DENND4C: variants seen among roughly 807,000 people sequenced by gnomAD.
The protein encoded by DENND4C is DENN domain-containing protein 4C.
Under a neutral mutation model 203.0 loss-of-function variants are expected in DENND4C, and 108 were observed. The ratio of observed to expected loss-of-function variants is 0.53; its 90% CI spans 0.46 to 0.62. DENND4C has a LOEUF of 0.62. Among genes scored for constraint, DENND4C ranks in the 20% least tolerant of loss-of-function variants. The probability of loss-of-function intolerance (pLI) is 0.00; values close to 1 mark genes in which losing one functional copy is unlikely to be tolerated. For synonymous variants in DENND4C, 871 were observed against 792.4 expected, an observed-to-expected ratio of 1.10 and a Z score of -1.67; for missense variants, 2,481 against 2,301.2, an observed-to-expected ratio of 1.08 and a Z score of -1.60.
chr9:19,261,504 C>G lies in DENND4C; in HGVS notation c.-17-14654C>G, dbSNP rs1434657663. ...CTTTCAATCCATGGACATGGAATATCTTTTTCCTTTTTTTTGGAGATAGGG... is the reference window on the plus strand; with the variant it reads ...CTTTCAATCCATGGACATGGAATATGTTTTTCCTTTTTTTTGGAGATAGGG... On this transcript the variant is annotated intron_variant, in intron 1 of 32. Transcript: ENST00000434457. 2.1e-5 allele frequency among the ~76,000 whole-genome samples: 3 copies of G among 142,980 alleles called. No individual in the cohort carries two copies. The East Asian group carries it at 6.3e-4, about 30-fold the overall frequency. 93.8% of individuals were successfully genotyped at this position (142,980 alleles called of 152,430 possible).
At chr9:19,341,243 G>C (rs531965388) in intron 21 of DENND4C, 129 bp downstream of exon 21, 128 of 626,092 alleles carry the variant, frequency 2.0e-4, no homozygotes, top group South Asian at 1.3e-3. Context: ...AAGATGCTGT[G>C]TACTGTTACA....
chr9:19,308,215 C>T lies in DENND4C; in HGVS notation c.1487+2688C>T, dbSNP rs139919974. ...TTCCTCTGAAGCATATACCTGGAAG[C>T]GCTAATGTTGCTTGGTAGGGAATGA... On this transcript the variant is annotated intron_variant, in intron 10 of 32. Transcript: ENST00000434457. Among the ~76,000 whole-genome samples, 586 of 152,216 alleles carry T rather than the reference C, an allele frequency of 3.8e-3. 1 individual carries two copies. The highest frequency in any genetic ancestry group is 0.013 in the African/African-American group (537 of 41,538).
intron 1 of DENND4C, among the ~76,000 whole-genome samples, chr9:19,265,517 A>G (rs917171024): frequency 3.9e-5 from 6 of 151,910 alleles, no homozygotes; most frequent in Non-Finnish European, 8.8e-5. Flanking sequence ...GGTTTGTTAC[A>G]TATGTATACA....
At position 19,346,997 on chromosome 9, in the gene DENND4C, G is replaced by T. The variant is rs551910290; in HGVS notation, c.4228G>T (p.Val1410Phe). The change falls in exon 23 of 33, where the codon GTC becomes TTC. Residue 1410 changes from valine to phenylalanine, a missense_variant. Val to Phe is a conservative substitution (Grantham distance 50, BLOSUM62 -1). Transcript: ENST00000434457. ...DNILSGPKID[V>F]LKSGMKQAAT... is the part of the protein sequence containing the mutation. ...TATACTCTCAGGGCCCAAGATAGATGTCCTGAAATCTGGTATGAAACAAGC... is the reference window on the plus strand; with the variant it reads ...TATACTCTCAGGGCCCAAGATAGATTTCCTGAAATCTGGTATGAAACAAGC... 3.7e-6 allele frequency: 6 copies of T among 1,614,156 alleles called. No homozygotes were observed. In the African/African-American group the frequency reaches 8.0e-5, roughly 22 times the overall value.
At chr9:19,355,152 C>T (rs755124610) in intron 26 of DENND4C, among the ~76,000 whole-genome samples, 3 of 152,024 alleles carry the variant, frequency 2.0e-5, no homozygotes, top group Admixed American at 1.3e-4. Flanking sequence ...CCTTGTGATC[C>T]GCCCACCTTG....
In DENND4C at chr9:19,296,095, C is replaced by G. The variant is rs781119533; in HGVS notation, c.889C>G (p.Pro297Ala). The G allele has an allele frequency of 3.1e-6, 5 of 1,613,994 alleles. No homozygotes were observed. Among genetic ancestry groups the G allele is most frequent in the Non-Finnish European group, 4.2e-6 (5 of 1,179,976 alleles). The change falls in exon 6 of 33, where the codon CCT (proline) becomes GCT (alanine). Residue 297 changes from proline (P) to alanine (A), a missense_variant. Pro to Ala is a conservative substitution (Grantham distance 27). This residue lies in a region of DENND4C where 2,289 missense variants were observed against 2,113.3 expected (regional missense o/e 1.08). Transcript: ENST00000434457. ...GCTTATGCACCTGGGCTTGTTGACG[C>G]CTGTGGAGAGAAAAATGGTCTCCAA... is the stretch of plus-strand genomic sequence containing the variant. ...KQLMHLGLLTPVERKMVSKSI... is the reference protein window; with the variant it reads ...KQLMHLGLLTAVERKMVSKSI...
intron 26 of DENND4C, 92 bp from the exon 27 acceptor site, chr9:19,356,880 T>C (rs909268710): frequency 8.4e-7 from 1 of 1,191,854 alleles, no homozygotes; most frequent in African/African-American, 1.6e-5. Flanking sequence ...TATTAATGAC[T>C]GCTTTAGCAA....
chr9:19,333,277 A>T (rs762760946), intron 17 of DENND4C, among the ~76,000 whole-genome samples: 2 of 152,004 alleles, frequency 1.3e-5, no homozygotes, highest in African/African-American at 4.8e-5. Context: ...TGGCCTCCCA[A>T]AGTGCCAAGA....
Position 19,334,969 on chromosome 9 carries a change from T to G in DENND4C, c.2461-8T>G, listed in dbSNP as rs925294605. ...TAATTACTGACACTGATTTTTTTTT[T>G]TTGTTAGGTGTGCTATCGAGTAGTG... is the stretch of plus-strand genomic sequence containing the variant. On this transcript the variant is annotated splice_polypyrimidine_tract_variant and splice_region_variant and intron_variant, in intron 17 of 32. Transcript: ENST00000434457. 3 of 1,581,054 alleles carry G rather than the reference T, an allele frequency of 1.9e-6. No individual in the cohort carries two copies. The highest frequency in any genetic ancestry group is 1.2e-5 in the South Asian group (1 of 84,740).
chr9:19,272,141 C>T (rs568097205), intron 1 of DENND4C, among the ~76,000 whole-genome samples: 32 of 151,800 alleles, frequency 2.1e-4, no homozygotes, highest in African/African-American at 7.5e-4. Flanking sequence ...GAGACTGGCC[C>T]AGGCATGGTG....
chr9:19,301,512 A>G (rs1331428620), intron 9 of DENND4C, among the ~76,000 whole-genome samples: 2 of 152,250 alleles, frequency 1.3e-5, no homozygotes, highest in African/African-American at 2.4e-5. Flanking sequence ...TGAAAACAAT[A>G]GTAACCATAT....
chr9:19,311,118 C>G (rs1840649177), intron 10 of DENND4C, among the ~76,000 whole-genome samples: 1 of 151,636 alleles, frequency 6.6e-6, no homozygotes, highest in South Asian at 2.1e-4. Flanking sequence ...TTTTGAATTT[C>G]CAAAGTTTTT....
intron 30 of DENND4C, among the ~76,000 whole-genome samples, chr9:19,365,698 C>T (rs995375673): frequency 1.1e-4 from 12 of 107,806 alleles, no homozygotes; most frequent in African/African-American, 3.6e-4. Flanking sequence ...ATTATACACA[C>T]ACACCATATT....
At chr9:19,337,318 C>T (rs1820705321) in intron 20 of DENND4C, among the ~76,000 whole-genome samples, 1 of 152,172 alleles carries the variant, frequency 6.6e-6, no homozygotes, top group Non-Finnish European at 1.5e-5. Flanking sequence ...TGGGAATAAT[C>T]CCTCTCCTCT....
At chr9:19,342,004 A>G (rs1285314366) in intron 21 of DENND4C, among the ~76,000 whole-genome samples, 1 of 151,976 alleles carries the variant, frequency 6.6e-6, no homozygotes, top group Non-Finnish European at 1.5e-5. Flanking sequence ...CACCTCTGTA[A>G]TCCCAGGTAC....
At chr9:19,253,746 G>A (rs1394781725) in intron 1 of DENND4C, among the ~76,000 whole-genome samples, 2 of 152,080 alleles carry the variant, frequency 1.3e-5, no homozygotes, top group Admixed American at 6.6e-5. Context: ...TTGAGACAAG[G>A]TCTCACTCTG....
intron 23 of DENND4C, among the ~76,000 whole-genome samples, chr9:19,349,767 CA>C (rs1823669682): frequency 6.6e-6 from 1 of 152,016 alleles, no homozygotes; most frequent in Non-Finnish European, 1.5e-5. Context: ...AATAGTATAT[CA>C]GTAAAACAGA....
intron 13 of DENND4C, 110 bp downstream of exon 13, chr9:19,324,617 G>T: frequency 1.0e-6 from 1 of 972,190 alleles, no homozygotes; most frequent in Non-Finnish European, 1.5e-6. Context: ...GAGTAGGGTT[G>T]TGTATGTGTG....
At chr9:19,301,315 C>T (rs561182586) in intron 9 of DENND4C, among the ~76,000 whole-genome samples, 15 of 152,316 alleles carry the variant, frequency 9.8e-5, no homozygotes, top group African/African-American at 3.6e-4. Context: ...ACTCTCTTCT[C>T]TTCCCTTCCC....
Sources: gnomAD v4.1 joint callset for allele counts (sites outside exome capture counted in the v4.1 genomes callset) on GRCh38, gnomAD v4.1.1 for gene constraint, gnomAD v4.1.1 regional missense constraint, MANE v1.5 for transcripts, NCBI Gene and HGNC (gene_info 2026-07-23, HGNC 2026-07-21) for gene names.